The following LARP4B variants were observed in gnomAD, a reference collection of about 807,000 sequenced individuals.
The protein encoded by LARP4B is La ribonucleoprotein 4B.
A neutral mutation model predicts 89.8 loss-of-function variants in LARP4B; 12 were observed. The observed-to-expected ratio is 0.13, with a 90% CI of 0.09 to 0.22. The LOEUF is 0.22. Ranked by LOEUF, LARP4B falls within the 10% of genes least tolerant of loss-of-function variation. The probability of loss-of-function intolerance (pLI) is 1.00; values close to 1 mark genes in which losing one functional copy is unlikely to be tolerated. For missense variants in LARP4B, 757 were observed against 947.7 expected (o/e 0.80, Z 2.64); for synonymous variants, 367 against 363.3 (o/e 1.01, Z -0.12).
chr10:836,289 G>A, intron 8 of LARP4B, 114 bp downstream of exon 8: 1 of 676,830 alleles, frequency 1.5e-6, no homozygotes, highest in Non-Finnish European at 2.6e-6. Flanking sequence ...GTTAATGTAA[G>A]TACTCAGTCT....
chr10:869,221 T>G (rs1050856132), intron 3 of LARP4B, among the ~76,000 whole-genome samples: 3 of 152,160 alleles, frequency 2.0e-5, no homozygotes, highest in Non-Finnish European at 4.4e-5. Context: ...CATACAAAGA[T>G]ATAAGGAAGC....
chr10:988,340 G>A, the LARP4B span: 2 of 696,312 alleles, frequency 2.9e-6, no homozygotes, highest in Non-Finnish European at 5.0e-6. Context: ...GACGCGGAAA[G>A]CGCCGTAGAG....
the LARP4B span, chr10:988,265 C>T: frequency 3.5e-6 from 2 of 566,950 alleles, no homozygotes; most frequent in East Asian, 3.0e-5. Context: ...TCCTCTGTAC[C>T]CTCGCTCCTG....
the LARP4B span, among the ~76,000 whole-genome samples, chr10:977,431 C>T: frequency 6.6e-6 from 1 of 151,816 alleles, no homozygotes; most frequent in Non-Finnish European, 1.5e-5. Flanking sequence ...CCCAGCTATT[C>T]GGGAGGCTGA....
chr10:975,069 T>C, the LARP4B span, among the ~76,000 whole-genome samples: 2 of 152,230 alleles, frequency 1.3e-5, no homozygotes, highest in Non-Finnish European at 2.9e-5. Flanking sequence ...CCACAGCAGA[T>C]CAAACCAGCA....
the LARP4B span, chr10:972,506 G>T: frequency 2.2e-6 from 1 of 456,742 alleles, no homozygotes; most frequent in Non-Finnish European, 4.4e-6. Context: ...ATTCTCAGAG[G>T]GGTGACAGGT....
At chr10:965,080 C>T in the LARP4B span, among the ~76,000 whole-genome samples, 1 of 152,138 alleles carries the variant, frequency 6.6e-6, no homozygotes, top group Non-Finnish European at 1.5e-5. Context: ...CGGGAGTGGA[C>T]GGGGGACCTG....
At chr10:932,210 C>T (rs1320514670), upstream of LARP4B, among the ~76,000 whole-genome samples, 4 of 143,102 alleles carry the variant, frequency 2.8e-5, no homozygotes, top group Non-Finnish European at 6.1e-5. Context: ...ACCCCCAGGA[C>T]CCAGGCCCCG....
At position 817,844 on chromosome 10, in the gene LARP4B, T is replaced by C. The variant is rs758070542; in HGVS notation, c.1576A>G (p.Ser526Gly). ...AAGCTGGACAGCCCCAGCTCGAAGCTTGGCGACGGAGGCTTTGGTGGCGTT... is the reference window on the plus strand; with the variant it reads ...AAGCTGGACAGCCCCAGCTCGAAGCCTGGCGACGGAGGCTTTGGTGGCGTT... ...SPTPPKPPSP[S>G]FELGLSSFPP... Residue 526 changes from serine to glycine, a missense_variant, in exon 15 of 18, where the codon AGC (serine) becomes GGC (glycine). Ser to Gly is a moderately conservative substitution (Grantham distance 56). Transcript: ENST00000316157. The C allele has an allele frequency of 6.2e-7, 1 of 1,614,186 alleles. No individual in the cohort carries two copies. The highest frequency in any genetic ancestry group is 8.5e-7 in the Non-Finnish European group (1 of 1,180,022).
intron 1 of LARP4B, among the ~76,000 whole-genome samples, chr10:913,325 T>C (rs922119058): frequency 1.3e-5 from 2 of 152,266 alleles, no homozygotes; most frequent in African/African-American, 4.8e-5. Flanking sequence ...TACTTTTATG[T>C]ATCATATATA....
At chr10:972,231 T>C in the LARP4B span, 1 of 319,232 alleles carries the variant, frequency 3.1e-6, no homozygotes, top group South Asian at 2.7e-5. Flanking sequence ...TTTTGCCATG[T>C]TGGCCAGACT....
intron 3 of LARP4B, among the ~76,000 whole-genome samples, chr10:878,620 C>A (rs892034608): frequency 6.6e-6 from 1 of 152,182 alleles, no homozygotes. Context: ...TGTACTTTTA[C>A]GATCTGTGCA....
chr10:843,072 T>G lies in LARP4B; in HGVS notation c.510-4A>C. 1 of 1,612,126 alleles carries G rather than the reference T, an allele frequency of 6.2e-7. No individual in the cohort carries two copies. Among genetic ancestry groups the G allele is most frequent in the Non-Finnish European group, 8.5e-7 (1 of 1,179,080 alleles). ...CATGTCACTAGCAAGGTTCTCCCTG[T>G]TGAAAGAAAACAATCTCTTTTAATC... On this transcript the variant is annotated splice_region_variant and splice_polypyrimidine_tract_variant and intron_variant, in intron 6 of 17. Coordinates refer to ENST00000316157, the MANE Select transcript of LARP4B (RefSeq NM_015155.3).
chr10:882,952 C>T (rs1020423477), intron 3 of LARP4B, among the ~76,000 whole-genome samples: 1 of 152,186 alleles, frequency 6.6e-6, no homozygotes, highest in Non-Finnish European at 1.5e-5. Context: ...AATGCAAACT[C>T]CTGGTCAACT....
chr10:849,793 C>T (rs897991890), intron 5 of LARP4B, among the ~76,000 whole-genome samples: 7 of 152,174 alleles, frequency 4.6e-5, no homozygotes, highest in Non-Finnish European at 8.8e-5. Flanking sequence ...GGTGTTTTAC[C>T]TTCTCAAACC....
chr10:852,913 T>TAA (rs1834127952), intron 5 of LARP4B, among the ~76,000 whole-genome samples: 1 of 152,188 alleles, frequency 6.6e-6, no homozygotes, highest in Non-Finnish European at 1.5e-5. Flanking sequence ...ATAAAAGATG[T>TAA]AAAAGACCAG....
At chr10:905,660 GGGGAGGAGCTGAGGAGCAA>G (rs60723008) in intron 1 of LARP4B, among the ~76,000 whole-genome samples, 94,188 of 151,164 alleles carry the variant, frequency 0.62, 29,681 homozygotes, top group South Asian at 0.69. Flanking sequence ...AACGTGGGGA[GGGGAGGAGCTGAGGAGCAA>G]GGGAGGAGCT....
At chr10:913,534 C>T (rs1020952382) in intron 1 of LARP4B, among the ~76,000 whole-genome samples, 4 of 152,152 alleles carry the variant, frequency 2.6e-5, no homozygotes, top group Admixed American at 6.5e-5. Context: ...TCAGCAAATA[C>T]TCATTCATTT....
chr10:847,915 G>C (rs1008069836), intron 5 of LARP4B, among the ~76,000 whole-genome samples: 1 of 152,216 alleles, frequency 6.6e-6, no homozygotes, highest in African/African-American at 2.4e-5. Flanking sequence ...TGGGAAGTCA[G>C]GTGGGAACCC....
Sources: allele counts gnomAD v4.1 joint callset (sites outside exome capture counted in the v4.1 genomes callset), GRCh38; gene constraint gnomAD v4.1.1; transcripts MANE v1.5; gene names NCBI Gene and HGNC (gene_info 2026-07-23, HGNC 2026-07-21).